PRR14: variants seen among roughly 807,000 people sequenced by gnomAD.
PRR14 encodes proline rich 14, also known as proline-rich protein 14.
Under a neutral mutation model 57.2 loss-of-function variants are expected in PRR14, and 33 were observed. The ratio of observed to expected loss-of-function variants is 0.58; its 90% CI spans 0.44 to 0.77. PRR14 has a LOEUF of 0.77. Ranked by LOEUF, PRR14 falls within the 30% of genes least tolerant of loss-of-function variation. The pLI is 0.00. For synonymous variants in PRR14, 303 were observed against 314.7 expected (o/e 0.96, Z 0.39); for missense variants, 716 against 788.1 (o/e 0.91, Z 1.10).
chr16:30,654,889 C>A lies in PRR14; in HGVS notation c.919C>A (p.Pro307Thr). 6.2e-7 allele frequency: 1 copy of A among 1,611,068 alleles called. No homozygotes were observed. The highest frequency in any genetic ancestry group is 8.5e-7 in the Non-Finnish European group (1 of 1,178,464). ...GGGCACTGCGTCTGTCAGCCCCCGG[C>A]CCCCAATCCGCCAGTGGCGAACTCA... ...AEGTASVSPR[P>T]PIRQWRTQDH... Residue 307 changes from proline to threonine, a missense_variant, in exon 8 of 12, where the codon CCC becomes ACC. By Grantham distance (38) the Pro-to-Thr change is conservative (BLOSUM62 -1). Transcript: ENST00000300835.
intron 3 of PRR14, 124 bp from the exon 4 acceptor site, chr16:30,652,597 C>A: frequency 8.4e-7 from 1 of 1,195,038 alleles, no homozygotes; most frequent in Non-Finnish European, 1.2e-6. Context: ...CTCTTGGGAT[C>A]CGAGTGAATT....
intron 7 of PRR14, 62 bp downstream of exon 7, chr16:30,654,401 G>C (rs2151258599): frequency 3.6e-6 from 5 of 1,390,306 alleles, no homozygotes; most frequent in Non-Finnish European, 5.1e-6. Context: ...GTTGAGCTTG[G>C]AAGTGTCAGG....
At chr16:30,653,211 G>A (rs1291021004) in intron 5 of PRR14, 108 bp downstream of exon 5, 4 of 1,366,974 alleles carry the variant, frequency 2.9e-6, no homozygotes, top group African/African-American at 1.4e-5. Context: ...TGAGGAGGAT[G>A]GCATTTTAGG....
At position 30,652,940 on chromosome 16, in the gene PRR14, G is replaced by T. The variant is rs376495138; in HGVS notation, c.341G>T (p.Arg114Leu). ...CCTCCCGACCCTCTGTGTTTGTGTC[G>T]CGAGCCCTTGAGCCGCATCCACCGG... ...ARPPDPLCLC[R>L]EPLSRIHRTS... is the part of the protein sequence containing the mutation. The change falls in exon 5 of 12, where the codon CGC (arginine) becomes CTC (leucine). Residue 114 changes from arginine (R) to leucine (L), a missense_variant. Coordinates refer to ENST00000300835, the MANE Select transcript of PRR14 (RefSeq NM_024031.5). The T allele has an allele frequency of 1.4e-5, 23 of 1,613,928 alleles. 1 individual carries two copies. The South Asian group carries it at 1.4e-4, about 10-fold the overall frequency.
Position 30,656,366 on chromosome 16 carries a change from T to A in PRR14, c.*55T>A, listed in dbSNP as rs1372823913. 17 of 1,500,258 alleles carry A rather than the reference T, an allele frequency of 1.1e-5. No homozygotes were observed. The highest frequency in any genetic ancestry group is 2.5e-5 in the South Asian group (2 of 79,444). The allele number at this position is 1,500,258 out of a possible 1,614,324, so 92.9% of individuals were successfully genotyped here. A position where few individuals can be genotyped will look rare whatever the true frequency, so the allele number is the denominator to read the frequency against. On this transcript the variant is annotated 3_prime_UTR_variant, in exon 12 of 12. Coordinates refer to ENST00000300835, the MANE Select transcript of PRR14 (RefSeq NM_024031.5). ...AGGGACAGGAAACCTCCCAGGCAGT[T>A]ATTTTTTTTTCTCTATATTTCTAGT...
chr16:30,655,744 C>A lies in PRR14; in HGVS notation c.1407-124C>A. 7.6e-7 allele frequency: 1 copy of A among 1,319,120 alleles called. No homozygotes were observed. The highest frequency in any genetic ancestry group is 1.1e-6 in the Non-Finnish European group (1 of 915,170). The allele number at this position is 1,319,120 out of a possible 1,614,324, so 81.7% of individuals were successfully genotyped here. On this transcript the variant is annotated intron_variant, in intron 10 of 11. Transcript: ENST00000300835. This position sits in a 1 kb window ranked among gnomAD's most constrained non-coding sequence, Gnocchi z 4.6. ...ATGGTTTGTGCTCAAAATTGCCTGTCTGCCTTATGTAGCACTCCTGGCCCT... is the reference window on the plus strand; with the variant it reads ...ATGGTTTGTGCTCAAAATTGCCTGTATGCCTTATGTAGCACTCCTGGCCCT...
At chr16:30,654,082 T>A in intron 6 of PRR14, 148 bp from the exon 7 acceptor site, 1 of 660,770 alleles carries the variant, frequency 1.5e-6, no homozygotes, top group South Asian at 1.8e-5. Flanking sequence ...TGAGCTGAGA[T>A]TGTGCCCCTG....
In PRR14 at chr16:30,655,108, C is replaced by G; in HGVS notation, c.1138C>G (p.Leu380Val). 2 of 1,612,002 alleles carry G rather than the reference C, an allele frequency of 1.2e-6. No homozygotes were observed. Among genetic ancestry groups the G allele is most frequent in the Non-Finnish European group, 1.7e-6 (2 of 1,179,942 alleles). ...AGCCCCGCCACCCCCTCGGCCCTGT[C>G]TCCGGAAAGAGGTCTTCCCTCTCGG... ...ARAPPPPRPC[L>V]RKEVFPLGGV... is the part of the protein sequence containing the mutation. Residue 380 changes from leucine (L) to valine (V), a missense_variant, in exon 8 of 12, where the codon CTC (leucine) becomes GTC (valine). Physicochemically the swap from Leu to Val is conservative, Grantham distance 32 (BLOSUM62 1). Coordinates refer to ENST00000300835, the MANE Select transcript of PRR14 (RefSeq NM_024031.5). This position sits in a 1 kb window ranked among gnomAD's most constrained non-coding sequence, Gnocchi z 4.6.
At chr16:30,654,450 C>G in intron 7 of PRR14, 111 bp downstream of exon 7, 1 of 1,022,164 alleles carries the variant, frequency 9.8e-7, no homozygotes, top group Non-Finnish European at 1.5e-6. Flanking sequence ...CCTCCCAGGG[C>G]AGGGCTTGGT....
rs1460699269 is a variant in PRR14 at position 30,655,166 on chromosome 16, C to G, written c.1196C>G (p.Ser399Cys). ...GGAGCCTCCCCTTCTCTCACCACAT[C>G]TTGCTCGTCCACGGCATCCACTTCC... ...GVGASPSLTT[S>C]CSSTASTSFS... The change falls in exon 8 of 12, where the codon TCT (serine) becomes TGT (cysteine). Residue 399 changes from serine (S) to cysteine (C), a missense_variant. Physicochemically the swap from Ser to Cys is moderately radical, Grantham distance 112. Transcript: ENST00000300835. This position sits in a 1 kb window ranked among gnomAD's most constrained non-coding sequence, Gnocchi z 4.6. 1 of 1,603,336 alleles carries G rather than the reference C, an allele frequency of 6.2e-7. No individual in the cohort carries two copies. Among genetic ancestry groups the G allele is most frequent in the Non-Finnish European group, 8.5e-7 (1 of 1,174,598 alleles).
chr16:30,652,097 C>T (rs974623537), intron 3 of PRR14, 133 bp downstream of exon 3: 5 of 1,021,212 alleles, frequency 4.9e-6, no homozygotes, highest in Non-Finnish European at 5.6e-6. Flanking sequence ...GGCAGCCTCC[C>T]TCATGGTAGA....
chr16:30,652,779 A>T lies in PRR14; in HGVS notation c.251A>T (p.Asp84Val). The stretch of plus-strand genomic sequence containing the variant: ...CCACAGCACCACAGCTACCATCAGG[A>T]TCCTGTCCACAGGCAGCCGCCTGCC... ...SIPQHHSYHQDPVHRQPPASP... is the reference protein window; with the variant it reads ...SIPQHHSYHQVPVHRQPPASP... The change falls in exon 4 of 12, where the codon GAT becomes GTT. Residue 84 changes from aspartate to valine, a missense_variant. Transcript: ENST00000300835. 6.2e-7 allele frequency: 1 copy of T among 1,614,140 alleles called. No individual in the cohort carries two copies. The highest frequency in any genetic ancestry group is 1.1e-5 in the South Asian group (1 of 91,086).
At chr16:30,652,393 C>G (rs375826037) in intron 3 of PRR14, 15 of 570,380 alleles carry the variant, frequency 2.6e-5, no homozygotes, top group Middle Eastern at 5.3e-4. Flanking sequence ...AGCCCAGCCT[C>G]CTTAGGAAGC....
In PRR14 at chr16:30,651,803, G is replaced by T; in HGVS notation, c.31G>T (p.Gly11Cys). ...GCTTCTTTCACCCTCCAGCCCGCCTGGCCAGCCGCGTCTGTGCCGCCAGCC... is the reference window on the plus strand; with the variant it reads ...GCTTCTTTCACCCTCCAGCCCGCCTTGCCAGCCGCGTCTGTGCCGCCAGCC... MDLPGDSSPP[G>C]QPRLCRQPLT... The change falls in exon 3 of 12, where the codon GGC becomes TGC. Residue 11 changes from glycine (G) to cysteine (C), a missense_variant. Coordinates refer to ENST00000300835, the MANE Select transcript of PRR14 (RefSeq NM_024031.5). The surrounding 1 kb of genome is among the most constrained non-coding windows in gnomAD (Gnocchi z 5.0). 2 of 1,606,190 alleles carry T rather than the reference G, an allele frequency of 1.2e-6. No individual in the cohort carries two copies.
Position 30,656,029 on chromosome 16 carries a change from C to T in PRR14, c.1479-3C>T, listed in dbSNP as rs773988320. 5.9e-5 allele frequency: 93 copies of T among 1,574,880 alleles called. No individual in the cohort carries two copies. The highest frequency in any genetic ancestry group is 3.1e-5 in the Non-Finnish European group (36 of 1,161,636). ...AACCAGCTCCTCTCCCTGCCTTGTT[C>T]AGGACCTTTGAGACCATCTTTGAGG... On this transcript the variant is annotated splice_region_variant and splice_polypyrimidine_tract_variant and intron_variant, in intron 11 of 11. Transcript: ENST00000300835.
chr16:30,651,995 T>G lies in PRR14; in HGVS notation c.192+31T>G. 1 of 1,518,858 alleles carries G rather than the reference T, an allele frequency of 6.6e-7. No individual in the cohort carries two copies. Among genetic ancestry groups the G allele is most frequent in the Non-Finnish European group, 8.8e-7 (1 of 1,136,106 alleles). 94.1% of individuals were successfully genotyped at this position (1,518,858 alleles called of 1,614,324 possible). A position where few individuals can be genotyped will look rare whatever the true frequency, so the allele number is the denominator to read the frequency against. ...CCCCCTGAACCAAGAGACTCTCTAT[T>G]CCCCCATGACTTTCCTCACTACCAA... On this transcript the variant is annotated intron_variant, in intron 3 of 11. Transcript: ENST00000300835. This position sits in a 1 kb window ranked among gnomAD's most constrained non-coding sequence, Gnocchi z 5.0.
rs1315374353 is a variant in PRR14 at position 30,655,787 on chromosome 16, G to A, written c.1407-81G>A. ...CTGGCCCTGACATGTCCCAGAAACT[G>A]AAATACAGACCAGGCCTTACCTGTC... On this transcript the variant is annotated intron_variant, in intron 10 of 11. Transcript: ENST00000300835. The surrounding 1 kb of genome is among the most constrained non-coding windows in gnomAD (Gnocchi z 4.6). 4.6e-6 allele frequency: 7 copies of A among 1,509,692 alleles called. No homozygotes were observed. Among genetic ancestry groups the A allele is most frequent in the Non-Finnish European group, 6.4e-6 (7 of 1,085,336 alleles). 93.5% of individuals were successfully genotyped at this position (1,509,692 alleles called of 1,614,324 possible).
Position 30,655,587 on chromosome 16 carries a change from C to G in PRR14, c.1400C>G (p.Pro467Arg). The part of the protein sequence containing the change: ...LNLTPMGLPR[P>R]IRLNKKEFSL... ...CTTACACCAATGGGACTGCCTCGAC[C>G]AATCAGGTGAGGGGCTCACTGGGCA... is the stretch of plus-strand genomic sequence containing the variant. The change falls in exon 10 of 12, where the codon CCA (proline) becomes CGA (arginine). Residue 467 changes from proline to arginine, a missense_variant. Physicochemically the swap from Pro to Arg is moderately radical, Grantham distance 103. Transcript: ENST00000300835. The surrounding 1 kb of genome is among the most constrained non-coding windows in gnomAD (Gnocchi z 4.6). The G allele has an allele frequency of 1.9e-6, 3 of 1,613,916 alleles. No homozygotes were observed. The highest frequency in any genetic ancestry group is 2.5e-6 in the Non-Finnish European group (3 of 1,179,784).
Position 30,654,899 on chromosome 16 carries a change from G to A in PRR14, c.929G>A (p.Arg310His), listed in dbSNP as rs777625814. 11 of 1,601,050 alleles carry A rather than the reference G, an allele frequency of 6.9e-6. No homozygotes were observed. Among genetic ancestry groups the A allele is most frequent in the African/African-American group, 6.8e-5 (5 of 73,322 alleles). ...TCTGTCAGCCCCCGGCCCCCAATCC[G>A]CCAGTGGCGAACTCAGGACCACAAT... ...TASVSPRPPI[R>H]QWRTQDHNTP... Residue 310 changes from arginine to histidine, a missense_variant, in exon 8 of 12, where the codon CGC becomes CAC. Transcript: ENST00000300835.
Sources: gnomAD v4.1 joint callset for allele counts on GRCh38, gnomAD v4.1.1 for gene constraint, Gnocchi (gnomAD v3.1) non-coding constraint, MANE v1.5 for transcripts, NCBI Gene and HGNC (gene_info 2026-07-23, HGNC 2026-07-21) for gene names.